EDAR: variants seen among roughly 807,000 people sequenced by gnomAD.
EDAR encodes the protein tumor necrosis factor receptor superfamily member EDAR.
Under a neutral mutation model 51.3 loss-of-function variants are expected in EDAR, and 38 were observed. That is an observed-to-expected ratio of 0.74 (90% confidence interval 0.57 to 0.97). The LOEUF is 0.97. Among genes scored for constraint, EDAR ranks in the 50% least tolerant of loss-of-function variants. EDAR has a pLI of 0.00. For missense variants in EDAR, 528 were observed against 595.0 expected, an observed-to-expected ratio of 0.89 and a Z score of 1.17; for synonymous variants, 227 against 242.1, an observed-to-expected ratio of 0.94 and a Z score of 0.58.
chr2:108,954,317 G>T (rs1697880058), intron 1 of EDAR, among the ~76,000 whole-genome samples: 3 of 152,282 alleles, frequency 2.0e-5, no homozygotes, highest in Admixed American at 1.3e-4. Context: ...TATATGGGCT[G>T]CCATTTTCCC....
At chr2:108,925,906 G>T (rs1000139888) in intron 4 of EDAR, among the ~76,000 whole-genome samples, 1 of 152,146 alleles carries the variant, frequency 6.6e-6, no homozygotes, top group African/African-American at 2.4e-5. Flanking sequence ...GTGAACCACC[G>T]AGCCTGACCG....
chr2:108,899,585 G>A lies in EDAR; in HGVS notation c.1025-2356C>T, dbSNP rs763150731. On this transcript the variant is annotated intron_variant, in intron 11 of 11. Coordinates refer to ENST00000258443, the MANE Select transcript of EDAR (RefSeq NM_022336.4). ...TTAGGCAGTTGAAGCAATTTATGTG[G>A]TTCTAAATATATGTAGAGGAAATAT... 3.7e-4 allele frequency among the ~76,000 whole-genome samples: 57 copies of A among 152,178 alleles called. 1 individual carries two copies. The highest frequency in any genetic ancestry group is 7.4e-4 in the Non-Finnish European group (50 of 68,026).
chr2:108,943,432 A>G (rs1697647695), intron 1 of EDAR, among the ~76,000 whole-genome samples: 1 of 152,166 alleles, frequency 6.6e-6, no homozygotes, highest in South Asian at 2.1e-4. Flanking sequence ...TTAAACTGCA[A>G]TCACACCGTA....
chr2:108,944,101 T>C (rs563876606), intron 1 of EDAR, among the ~76,000 whole-genome samples: 29 of 152,350 alleles, frequency 1.9e-4, no homozygotes, highest in African/African-American at 6.7e-4. Context: ...TTTCTGTCTC[T>C]GTTCGGCAGG....
At chr2:108,918,773 A>G (rs948729571) in intron 5 of EDAR, among the ~76,000 whole-genome samples, 5 of 152,152 alleles carry the variant, frequency 3.3e-5, no homozygotes, top group South Asian at 2.1e-4. Context: ...AGGTCTGTTA[A>G]TCCACACAAT....
intron 1 of EDAR, among the ~76,000 whole-genome samples, chr2:108,977,347 C>G (rs1314073383): frequency 2.6e-5 from 4 of 152,188 alleles, no homozygotes; most frequent in Non-Finnish European, 1.5e-5. Context: ...CGGCTCACTG[C>G]AAGCTGCGCC....
At chr2:108,919,342 C>A (rs1245517089) in intron 5 of EDAR, among the ~76,000 whole-genome samples, 1 of 152,140 alleles carries the variant, frequency 6.6e-6, no homozygotes, top group Non-Finnish European at 1.5e-5. Context: ...CTTTCATTAA[C>A]CCTCTGACCG....
chr2:108,940,580 T>C (rs11123718), intron 1 of EDAR, among the ~76,000 whole-genome samples: 75,201 of 152,260 alleles, frequency 0.49, 23,640 homozygotes, highest in South Asian at 0.71. Context: ...CCAGGCTCTC[T>C]GCTCCTCCTC....
At chr2:108,986,015 C>T (rs1232524026) in intron 1 of EDAR, among the ~76,000 whole-genome samples, 1 of 152,162 alleles carries the variant, frequency 6.6e-6, no homozygotes, top group East Asian at 1.9e-4. Context: ...AAGCTTTTTT[C>T]ATAGCTTTGA....
chr2:108,915,881 G>A (rs1410314367), intron 5 of EDAR, among the ~76,000 whole-genome samples: 1 of 151,668 alleles, frequency 6.6e-6, no homozygotes, highest in East Asian at 1.9e-4. Flanking sequence ...TGGGCAACAA[G>A]AGCGAAACTC....
chr2:108,952,654 G>A (rs982378876), intron 1 of EDAR, among the ~76,000 whole-genome samples: 2 of 152,132 alleles, frequency 1.3e-5, no homozygotes, highest in African/African-American at 4.8e-5. Context: ...ATATTAATAT[G>A]AGTTATTCTA....
In EDAR at chr2:108,912,707, G is replaced by A; in HGVS notation, c.500C>T (p.Thr167Ile). The change falls in exon 6 of 12, where the codon ACC becomes ATC. Residue 167 changes from threonine to isoleucine, a missense_variant. Coordinates refer to ENST00000258443, the MANE Select transcript of EDAR (RefSeq NM_022336.4). Reference sequence around the variant, plus strand: ...GTGGGCGTGCTGGAAGGGAGACAGGGTGCTGCTGCCCGAGGTGCCAGGGAA... The same window carrying A: ...GTGGGCGTGCTGGAAGGGAGACAGGATGCTGCTGCCCGAGGTGCCAGGGAA... ...ANFPGTSGSS[T>I]LSPFQHAHKE... 6.2e-7 allele frequency: 1 copy of A among 1,601,260 alleles called. No individual in the cohort carries two copies.
At chr2:108,897,677 T>C (rs1696625826) in intron 11 of EDAR, among the ~76,000 whole-genome samples, 1 of 152,072 alleles carries the variant, frequency 6.6e-6, no homozygotes, top group Non-Finnish European at 1.5e-5. Flanking sequence ...TAGCCCCAGA[T>C]TGGGGTTATC....
chr2:108,921,984 G>A (rs1697150299), intron 5 of EDAR, among the ~76,000 whole-genome samples: 1 of 152,248 alleles, frequency 6.6e-6, no homozygotes, highest in Non-Finnish European at 1.5e-5. Context: ...GGAGTGGGGT[G>A]CGCTCATCTT....
At chr2:108,920,150 C>T (rs1444788657) in intron 5 of EDAR, among the ~76,000 whole-genome samples, 2 of 152,230 alleles carry the variant, frequency 1.3e-5, no homozygotes, top group Non-Finnish European at 1.5e-5. Context: ...GCTCACGTGC[C>T]GTGGAGCCAT....
chr2:108,932,342 C>A (rs1441444895), intron 1 of EDAR, among the ~76,000 whole-genome samples: 1 of 151,808 alleles, frequency 6.6e-6, no homozygotes, highest in Non-Finnish European at 1.5e-5. Flanking sequence ...TCCTGGCTAA[C>A]AAGGTGAAAC....
intron 1 of EDAR, among the ~76,000 whole-genome samples, chr2:108,983,719 C>T (rs767573653): frequency 2.6e-5 from 4 of 152,178 alleles, no homozygotes; most frequent in Non-Finnish European, 5.9e-5. Context: ...TGGCTCCGTG[C>T]GGGACGGGGC....
At chr2:108,948,301 G>A (rs1481426516) in intron 1 of EDAR, among the ~76,000 whole-genome samples, 2 of 152,192 alleles carry the variant, frequency 1.3e-5, no homozygotes, top group Non-Finnish European at 2.9e-5. Flanking sequence ...CAAGTCTGTA[G>A]GAAGTTCCAA....
intron 11 of EDAR, among the ~76,000 whole-genome samples, chr2:108,898,392 G>A (rs1053148571): frequency 6.6e-6 from 1 of 152,152 alleles, no homozygotes; most frequent in African/African-American, 2.4e-5. Context: ...AGGTTGAGTG[G>A]GGAATTTGGA....
Sources: gnomAD v4.1 joint callset for allele counts (sites outside exome capture counted in the v4.1 genomes callset) on GRCh38, gnomAD v4.1.1 for gene constraint, MANE v1.5 for transcripts, NCBI Gene and HGNC (gene_info 2026-07-23, HGNC 2026-07-21) for gene names.